TDRD12: variants seen among roughly 807,000 people sequenced by gnomAD.
The protein encoded by TDRD12 is tudor domain containing 12, also known as putative ATP-dependent RNA helicase TDRD12.
A neutral mutation model predicts 133.5 loss-of-function variants in TDRD12; 158 were observed. The ratio of observed to expected loss-of-function variants is 1.18; its 90% CI spans 1.04 to 1.35. The LOEUF (loss-of-function observed/expected upper bound fraction) is 1.35, where lower values mean the gene tolerates loss of function less well. Ranked by LOEUF, TDRD12 falls within the 40% of genes most tolerant of loss-of-function variation. The pLI is 0.00. For synonymous variants in TDRD12, 460 were observed against 477.9 expected, an observed-to-expected ratio of 0.96 and a Z score of 0.49; for missense variants, 1,443 against 1,321.3, an observed-to-expected ratio of 1.09 and a Z score of -1.43.
At chr19:32,773,630 C>A in intron 10 of TDRD12, 98 bp downstream of exon 10, 2 of 1,037,568 alleles carry the variant, frequency 1.9e-6, no homozygotes, top group South Asian at 1.4e-5. Context: ...CCCAGGAGGT[C>A]GAGGCTTCAG....
rs138795107 is a variant in TDRD12, at chr19:32,767,182, G to A, written c.866-5571G>A. ...TTGCTCTTATTGCCCAGGCTGTAGT[G>A]CAGTGGCGCCATCTCAGCTCACTGC... On this transcript the variant is annotated intron_variant, in intron 8 of 27. Coordinates refer to ENST00000444215, the Ensembl canonical transcript of TDRD12. Among the ~76,000 whole-genome samples, 694 of 151,070 alleles carry A rather than the reference G, an allele frequency of 4.6e-3. 5 individuals carry two copies. The highest frequency in any genetic ancestry group is 0.016 in the African/African-American group (640 of 41,100).
At chr19:32,822,192 G>A (rs111986488), downstream of TDRD12, among the ~76,000 whole-genome samples, 704 of 152,322 alleles carry the variant, frequency 4.6e-3, 7 homozygotes, top group African/African-American at 0.016. Flanking sequence ...CACTTTGGGG[G>A]GCTGAGGCAG....
chr19:32,810,681 A>G (rs566042543), intron 23 of TDRD12, among the ~76,000 whole-genome samples: 2 of 152,274 alleles, frequency 1.3e-5, no homozygotes, highest in South Asian at 2.1e-4. Context: ...GTTTGTACCC[A>G]CTTCCCTTGA....
At chr19:32,765,132 GA>G in intron 8 of TDRD12, among the ~76,000 whole-genome samples, 1 of 152,314 alleles carries the variant, frequency 6.6e-6, no homozygotes, top group Non-Finnish European at 1.5e-5. Flanking sequence ...AAAGACACAT[GA>G]AAAAATGCTC....
At chr19:32,771,004 A>G (rs1487086287) in intron 8 of TDRD12, among the ~76,000 whole-genome samples, 2 of 152,174 alleles carry the variant, frequency 1.3e-5, no homozygotes, top group Non-Finnish European at 2.9e-5. Flanking sequence ...TAGCAAGAAA[A>G]GAGGTTTATT....
At chr19:32,810,679 C>G (rs1411399402) in intron 23 of TDRD12, among the ~76,000 whole-genome samples, 2 of 152,144 alleles carry the variant, frequency 1.3e-5, no homozygotes, top group Non-Finnish European at 2.9e-5. Context: ...TCGTTTGTAC[C>G]CACTTCCCTT....
At chr19:32,808,727 T>G (rs1310049124) in intron 22 of TDRD12, among the ~76,000 whole-genome samples, 1 of 152,196 alleles carries the variant, frequency 6.6e-6, no homozygotes, top group Non-Finnish European at 1.5e-5. Flanking sequence ...TTAAAAAAAT[T>G]TCTAACTCTT....
intron 18 of TDRD12, among the ~76,000 whole-genome samples, chr19:32,801,146 GCTGGAAGC>G (rs1434053953): frequency 6.6e-6 from 1 of 151,178 alleles, no homozygotes; most frequent in Non-Finnish European, 1.5e-5. Flanking sequence ...TAGGAAGATT[GCTGGAAGC>G]CAGGAGTTCA....
At chr19:32,768,513 C>T (rs1970361074) in intron 8 of TDRD12, among the ~76,000 whole-genome samples, 1 of 151,912 alleles carries the variant, frequency 6.6e-6, no homozygotes, top group Non-Finnish European at 1.5e-5. Context: ...ACTAGGCTCA[C>T]ACCACCATGC....
chr19:32,749,948 A>G (rs986907673), intron 6 of TDRD12, 79 bp downstream of exon 6: 2 of 1,064,176 alleles, frequency 1.9e-6, no homozygotes, highest in Non-Finnish European at 2.7e-6. Flanking sequence ...ATGCCAAGAA[A>G]AACACTGTAG....
In TDRD12 at chr19:32,738,772, CA is replaced by C; in HGVS notation, c.184-83del. 3 of 1,403,818 alleles carry C rather than the reference CA, an allele frequency of 2.1e-6. No individual in the cohort carries two copies. The Admixed American group carries it at 6.6e-5, about 31-fold the overall frequency. The allele number at this position is 1,403,818 out of a possible 1,614,324, so 87.0% of individuals were successfully genotyped here. A position where few individuals can be genotyped will look rare whatever the true frequency, so the allele number is the denominator to read the frequency against. ...AGATTGCAGTGAGCTGAGATTGTGC[CA>C]CTGCACTCCAGCCTGGGCAATGGAG... is the stretch of plus-strand genomic sequence containing the variant. On this transcript the variant is annotated intron_variant, in intron 2 of 27. Coordinates refer to ENST00000444215, the Ensembl canonical transcript of TDRD12.
chr19:32,791,443 C>T (rs1381615528), intron 13 of TDRD12, among the ~76,000 whole-genome samples: 2 of 152,032 alleles, frequency 1.3e-5, no homozygotes, highest in Non-Finnish European at 2.9e-5. Context: ...CATATGGTTT[C>T]ATTTGGAAAA....
At position 32,812,221 on chromosome 19, in the gene TDRD12, C is replaced by T. The variant is rs190460275; in HGVS notation, c.3048+801C>T. Among the ~76,000 whole-genome samples, 150 of 151,952 alleles carry T rather than the reference C, an allele frequency of 9.9e-4. 1 individual carries two copies. The highest frequency in any genetic ancestry group is 3.4e-3 in the African/African-American group (139 of 41,456). The stretch of plus-strand genomic sequence containing the variant: ...TGCAGACCTGTGCTGAGGGCACAGG[C>T]ACAGGGGGGCCCGCGTCTCAGGCAC... On this transcript the variant is annotated intron_variant, in intron 24 of 27. Coordinates refer to ENST00000444215, the Ensembl canonical transcript of TDRD12.
intron 15 of TDRD12, 44 bp from the exon 16 acceptor site, chr19:32,798,264 A>G (rs1439686411): frequency 6.6e-7 from 1 of 1,512,444 alleles, no homozygotes; most frequent in East Asian, 2.5e-5. Context: ...TCTTAGAAAA[A>G]CCTGTGGAAA....
chr19:32,800,298 T>C (rs1261368592), exon 17 of TDRD12: 3 of 1,532,518 alleles, frequency 2.0e-6, no homozygotes, highest in Non-Finnish European at 8.7e-7. Context: ...AGTTCATGAA[T>C]GATCCCTACA....
intron 8 of TDRD12, among the ~76,000 whole-genome samples, chr19:32,763,740 G>A (rs139377532): frequency 1.2e-4 from 18 of 152,340 alleles, no homozygotes; most frequent in African/African-American, 3.4e-4. Flanking sequence ...AACTAACGGA[G>A]GTGTCCGTGC....
At chr19:32,784,027 A>G (rs909467053) in intron 11 of TDRD12, among the ~76,000 whole-genome samples, 8 of 152,002 alleles carry the variant, frequency 5.3e-5, no homozygotes, top group Non-Finnish European at 1.0e-4. Context: ...TTCCAATACT[A>G]TGTCAAATAG....
At chr19:32,790,248 T>C (rs2145660274) in intron 11 of TDRD12, among the ~76,000 whole-genome samples, 1 of 152,280 alleles carries the variant, frequency 6.6e-6, no homozygotes, top group Admixed American at 6.5e-5. Flanking sequence ...CTGGTCTTGT[T>C]TTCTCATCCA....
intron 8 of TDRD12, among the ~76,000 whole-genome samples, chr19:32,758,956 T>C (rs187394469): frequency 8.4e-4 from 128 of 151,892 alleles, no homozygotes; most frequent in African/African-American, 3.0e-3. Context: ...AAAATAAAAT[T>C]GTAGGCTGGG....
Sources: allele counts gnomAD v4.1 joint callset (sites outside exome capture counted in the v4.1 genomes callset), GRCh38; gene constraint gnomAD v4.1.1; transcripts MANE v1.5; gene names NCBI Gene and HGNC (gene_info 2026-07-23, HGNC 2026-07-21).